ZBED6: variants seen among roughly 807,000 people sequenced by gnomAD.
ZBED6 encodes zinc finger BED domain-containing protein 6.
ZBED6 carries 40 observed loss-of-function variants against 58.4 expected under a neutral mutation model. The ratio of observed to expected loss-of-function variants is 0.68; its 90% CI spans 0.53 to 0.89. The LOEUF (loss-of-function observed/expected upper bound fraction) is 0.89. Among genes scored for constraint, ZBED6 ranks in the 40% least tolerant of loss-of-function variants. ZBED6 has a pLI of 0.00. For synonymous variants in ZBED6, 439 were observed against 350.6 expected (o/e 1.25, Z -2.82); for missense variants, 1,057 against 1,003.9 (o/e 1.05, Z -0.71).
chr1:203,798,388 A>G, exon 1 of ZBED6: 1 of 1,535,010 alleles, frequency 6.5e-7, no homozygotes, highest in Non-Finnish European at 8.7e-7. Context: ...AATATATGTA[A>G]AAGAAGTGTG....
intron 1 of ZBED6, among the ~76,000 whole-genome samples, chr1:203,813,071 C>T (rs1265149903): frequency 6.6e-6 from 1 of 152,054 alleles, no homozygotes; most frequent in Non-Finnish European, 1.5e-5. Flanking sequence ...GTATATCAGA[C>T]CTTATCAGTT....
At chr1:203,798,686 A>G in exon 1 of ZBED6, 2 of 1,536,166 alleles carry the variant, frequency 1.3e-6, no homozygotes, top group Middle Eastern at 1.7e-4. Context: ...TTGCAGAGCA[A>G]GGCACTCTGA....
At chr1:203,798,758 G>A in exon 1 of ZBED6, 3 of 1,536,102 alleles carry the variant, frequency 2.0e-6, no homozygotes, top group African/African-American at 1.4e-5. Context: ...ACATAAGTCA[G>A]GCAATTATCC....
intron 3 of ZBED6, among the ~76,000 whole-genome samples, chr1:203,826,445 T>G (rs984232585): frequency 9.2e-5 from 14 of 152,006 alleles, no homozygotes; most frequent in Non-Finnish European, 2.1e-4. Context: ...TGACATAAAC[T>G]TAGAACATAG....
chr1:203,837,320 T>G (rs944928329), intron 9 of ZBED6, among the ~76,000 whole-genome samples: 12 of 151,494 alleles, frequency 7.9e-5, no homozygotes, highest in Non-Finnish European at 1.5e-4. Flanking sequence ...CTTTTGTACA[T>G]GAAGATTTTT....
In ZBED6 at chr1:203,799,208, T is replaced by A. The variant is rs558658041; in HGVS notation, c.1686T>A (p.Val562=). The A allele has an allele frequency of 4.0e-6, 4 of 1,011,752 alleles. No homozygotes were observed. In the East Asian group the frequency reaches 1.0e-4, roughly 26 times the overall value. 62.7% of individuals were successfully genotyped at this position (1,011,752 alleles called of 1,614,324 possible). The stretch of plus-strand genomic sequence containing the variant: ...ATTTCCTTATCCCTAGCTTCATTGT[T>A]TCTGACAATTCCTCTAATGTGGTAC... Residue 562 remains valine, a synonymous_variant, in exon 1 of 17, where the codon GTT becomes GTA. Coordinates refer to ENST00000550078, the Ensembl canonical transcript of ZBED6.
At chr1:203,846,212 A>G (rs1478519835) in intron 11 of ZBED6, among the ~76,000 whole-genome samples, 1 of 147,622 alleles carries the variant, frequency 6.8e-6, no homozygotes, top group Non-Finnish European at 1.5e-5. Context: ...ATATATGTGT[A>G]TGATCTCCAA....
intron 3 of ZBED6, among the ~76,000 whole-genome samples, chr1:203,825,507 T>C (rs1680234409): frequency 7.0e-6 from 1 of 143,064 alleles, no homozygotes; most frequent in Non-Finnish European, 1.5e-5. Flanking sequence ...CCATCTTGGC[T>C]CACTGAAACT....
At chr1:203,834,016 A>G in intron 9 of ZBED6, 163 bp downstream of exon 9, 1 of 1,290,730 alleles carries the variant, frequency 7.7e-7, no homozygotes, top group Non-Finnish European at 9.8e-7. Context: ...TATACCTTTT[A>G]TTGAAGATAC....
intron 8 of ZBED6, among the ~76,000 whole-genome samples, chr1:203,832,020 C>T (rs1682541604): frequency 6.6e-6 from 1 of 152,144 alleles, no homozygotes; most frequent in South Asian, 2.1e-4. Context: ...TTATTGGCTT[C>T]CCATGTGACT....
chr1:203,850,731 C>T (rs1420417699), intron 15 of ZBED6, 50 bp downstream of exon 15: 5 of 1,580,698 alleles, frequency 3.2e-6, no homozygotes, highest in African/African-American at 1.4e-5. Flanking sequence ...GGTAGGAAAG[C>T]AGGAAAGACT....
intron 10 of ZBED6, 84 bp downstream of exon 10, chr1:203,838,148 C>G: frequency 7.8e-7 from 1 of 1,280,600 alleles, no homozygotes; most frequent in Non-Finnish European, 1.1e-6. Context: ...GTTTTTCATT[C>G]TTTTGTTCAG....
chr1:203,819,422 A>G (rs531475261), intron 3 of ZBED6, among the ~76,000 whole-genome samples: 1 of 150,202 alleles, frequency 6.7e-6, no homozygotes, highest in East Asian at 2.0e-4. Flanking sequence ...GGGTTTTACC[A>G]CGCAGGCCAG....
At chr1:203,831,997 C>T (rs946259265) in intron 8 of ZBED6, among the ~76,000 whole-genome samples, 1 of 152,146 alleles carries the variant, frequency 6.6e-6, no homozygotes, top group African/African-American at 2.4e-5. Flanking sequence ...CTGTTTATAT[C>T]CACTCAATAC....
exon 3 of ZBED6, chr1:203,818,678 A>G: frequency 5.6e-6 from 9 of 1,614,168 alleles, no homozygotes; most frequent in Non-Finnish European, 7.6e-6. Context: ...GTTTCGGCAC[A>G]TGGAGATTGA....
chr1:203,850,974 C>T, intron 15 of ZBED6, 83 bp from the exon 16 acceptor site: 2 of 1,491,638 alleles, frequency 1.3e-6, no homozygotes, highest in Non-Finnish European at 1.9e-6. Context: ...AGCCACAATT[C>T]TAAGAAGGCA....
intron 2 of ZBED6, among the ~76,000 whole-genome samples, 160 bp downstream of exon 2, chr1:203,817,284 T>C (rs1676670128): frequency 6.6e-6 from 1 of 152,180 alleles, no homozygotes. Flanking sequence ...TTTAGGGTAA[T>C]TCAGTGTTTT....
Position 203,850,504 on chromosome 1 carries a change from G to A in ZBED6, c.*4639-11G>A. The stretch of plus-strand genomic sequence containing the variant: ...TCTCACTGCTTATCAGATATTTTCT[G>A]CCCTTTGTAGCTAAACCCAAAGTGA... On this transcript the variant is annotated splice_polypyrimidine_tract_variant and intron_variant, in intron 14 of 16. Transcript: ENST00000550078. 1 of 1,613,834 alleles carries A rather than the reference G, an allele frequency of 6.2e-7. No individual in the cohort carries two copies. Among genetic ancestry groups the A allele is most frequent in the Non-Finnish European group, 8.5e-7 (1 of 1,179,816 alleles).
chr1:203,804,480 G>T (rs1227742698), intron 1 of ZBED6, among the ~76,000 whole-genome samples: 1 of 151,746 alleles, frequency 6.6e-6, no homozygotes, highest in African/African-American at 2.4e-5. Context: ...ATTGTGAATG[G>T]TCTCTTCCTG....
Sources: allele counts gnomAD v4.1 joint callset (sites outside exome capture counted in the v4.1 genomes callset), GRCh38; gene constraint gnomAD v4.1.1; transcripts MANE v1.5; gene names NCBI Gene and HGNC (gene_info 2026-07-23, HGNC 2026-07-21).